Variants in ZNF385D observed in about 807,000 individuals in gnomAD.
The protein encoded by ZNF385D is zinc finger protein 385D, also known as zinc finger protein 659.
A neutral mutation model predicts 35.8 loss-of-function variants in ZNF385D; 15 were observed. The observed-to-expected ratio is 0.42, with a 90% CI of 0.28 to 0.64. ZNF385D has a LOEUF of 0.64. Among genes scored for constraint, ZNF385D ranks in the 30% least tolerant of loss-of-function variants. ZNF385D has a pLI of 0.23. For missense variants in ZNF385D, 474 were observed against 494.6 expected (o/e 0.96, Z 0.39); for synonymous variants, 212 against 186.8 (o/e 1.13, Z -1.10).
chr3:21,798,452 T>G (rs977433718), intron 3 of ZNF385D, among the ~76,000 whole-genome samples: 1 of 152,162 alleles, frequency 6.6e-6, no homozygotes, highest in Non-Finnish European at 1.5e-5. Context: ...CCTTGGGTCC[T>G]TACCATTGGT....
chr3:22,107,026 G>GTTTTTTTTTTTTTTTTTTTTTTTTT lies in ZNF385D; in HGVS notation c.325+61790_325+61791insAAAAAAAAAAAAAAAAAAAAAAAAA, dbSNP rs10676871. 1.9e-3 allele frequency among the ~76,000 whole-genome samples: 229 copies of GTTTTTTTTTTTTTTTTTTTTTTTTT among 118,782 alleles called. 36 individuals are homozygous for GTTTTTTTTTTTTTTTTTTTTTTTTT. In the Middle Eastern group the frequency reaches 0.024, roughly 12 times the overall value. 77.9% of individuals were successfully genotyped at this position (118,782 alleles called of 152,430 possible). A position where few individuals can be genotyped will look rare whatever the true frequency, so the allele number is the denominator to read the frequency against. On this transcript the variant is annotated intron_variant, in intron 3 of 5. Coordinates refer to the ZNF385D transcript ENST00000494108. ...TTTATGCAAAAACTTTGGAATGAGAGTTTTTTTTTTTTTTTTAGACAGAGT... is the reference window on the plus strand; with the variant it reads ...TTTATGCAAAAACTTTGGAATGAGAGTTTTTTTTTTTTTTTTTTTTTTTTTTTTTTTTTTTTTTTTTAGACAGAGT...
intron 5 of ZNF385D, among the ~76,000 whole-genome samples, chr3:21,426,576 T>G (rs1701037696): frequency 6.6e-6 from 1 of 152,162 alleles, no homozygotes; most frequent in African/African-American, 2.4e-5. Context: ...GGTCATGTGT[T>G]TTTTCTGTGA....
At position 21,651,433 on chromosome 3, in the gene ZNF385D, T is replaced by C. The variant is rs114559373; in HGVS notation, c.165+13453A>G. ...TGGAACATATTCATCAGATCTACCA[T>C]ATAGTATGTCTGTGATCACTAAATT... On this transcript the variant is annotated intron_variant, in intron 2 of 7. Transcript: ENST00000281523. Among the ~76,000 whole-genome samples the C allele has an allele frequency of 8.6e-3, 1,307 of 152,072 alleles. 19 individuals carry two copies. The highest frequency in any genetic ancestry group is 0.03 in the African/African-American group (1,230 of 41,502).
At chr3:21,477,843 A>G (rs960850336) in intron 4 of ZNF385D, among the ~76,000 whole-genome samples, 1 of 152,188 alleles carries the variant, frequency 6.6e-6, no homozygotes, top group African/African-American at 2.4e-5. Flanking sequence ...ACTAAAACCA[A>G]TAAACATATA....
chr3:21,872,983 A>C (rs539333781), intron 3 of ZNF385D, among the ~76,000 whole-genome samples: 27 of 152,284 alleles, frequency 1.8e-4, no homozygotes, highest in African/African-American at 6.3e-4. Flanking sequence ...ATTTCGTGCC[A>C]GTCGATTTAT....
intron 3 of ZNF385D, among the ~76,000 whole-genome samples, chr3:22,019,345 T>C (rs893537773): frequency 5.3e-5 from 8 of 151,916 alleles, no homozygotes; most frequent in African/African-American, 1.9e-4. Context: ...ATGTGGGAAA[T>C]TTCACTGTAA....
chr3:22,363,401 C>T (rs548695260), intron 2 of ZNF385D, among the ~76,000 whole-genome samples: 15 of 152,196 alleles, frequency 9.9e-5, no homozygotes, highest in African/African-American at 3.6e-4. Context: ...TATGTGGCCC[C>T]CTCATCATTC....
rs563270727 is a variant in ZNF385D, at chr3:22,317,957, G to A, written c.106+54493C>T. ...GCACCTGTAATCCAGTTACTGGGAG[G>A]CTGCACTGGGAGGATCACATGAGCT... On this transcript the variant is annotated intron_variant, in intron 2 of 5. Coordinates refer to the ZNF385D transcript ENST00000494108. Among the ~76,000 whole-genome samples the A allele has an allele frequency of 3.6e-3, 548 of 152,122 alleles. 3 individuals carry two copies. The highest frequency in any genetic ancestry group is 0.011 in the African/African-American group (464 of 41,500).
At chr3:21,532,898 C>T (rs1478672052) in intron 3 of ZNF385D, among the ~76,000 whole-genome samples, 1 of 152,136 alleles carries the variant, frequency 6.6e-6, no homozygotes, top group East Asian at 1.9e-4. Context: ...TTCTAAAACT[C>T]ATCATCTGGC....
intron 2 of ZNF385D, among the ~76,000 whole-genome samples, chr3:22,189,570 A>G (rs1171318310): frequency 6.6e-5 from 10 of 152,152 alleles, no homozygotes; most frequent in South Asian, 2.1e-4. Flanking sequence ...GGAAGGTTCA[A>G]TATTATTGAG....
At chr3:21,604,684 G>C (rs1381210801) in intron 2 of ZNF385D, among the ~76,000 whole-genome samples, 2 of 152,104 alleles carry the variant, frequency 1.3e-5, no homozygotes, top group Admixed American at 6.6e-5. Flanking sequence ...CTTAGAGAAG[G>C]TAATTAGTAG....
chr3:21,698,642 GAAAA>G (rs61178550), intron 1 of ZNF385D, among the ~76,000 whole-genome samples: 5 of 150,626 alleles, frequency 3.3e-5, no homozygotes, highest in Admixed American at 2.0e-4. Context: ...GAATTTCCAA[GAAAA>G]AAAACAAACA....
intron 1 of ZNF385D, among the ~76,000 whole-genome samples, chr3:21,701,723 AT>A (rs1318357149): frequency 6.6e-6 from 1 of 152,192 alleles, no homozygotes; most frequent in African/African-American, 2.4e-5. Context: ...GGGTACAGGT[AT>A]TAGATAAATA....
At chr3:21,829,403 G>A (rs1026734561) in intron 3 of ZNF385D, among the ~76,000 whole-genome samples, 2 of 152,072 alleles carry the variant, frequency 1.3e-5, no homozygotes, top group African/African-American at 2.4e-5. Context: ...AACAAGCTTG[G>A]CTATTTTAGG....
At position 22,035,395 on chromosome 3, in the gene ZNF385D, C is replaced by A. The variant is rs536266180; in HGVS notation, c.325+133422G>T. Reference sequence around the variant, plus strand: ...TGTTAAGCAAAATGTTGCACTAAATCCAAGTATAATTCCCTTTTCATTAAA... The same window carrying A: ...TGTTAAGCAAAATGTTGCACTAAATACAAGTATAATTCCCTTTTCATTAAA... On this transcript the variant is annotated intron_variant, in intron 3 of 5. Transcript: ENST00000494108. 4.6e-5 allele frequency among the ~76,000 whole-genome samples: 7 copies of A among 152,214 alleles called. No homozygotes were observed. In the East Asian group the frequency reaches 1.2e-3, roughly 25 times the overall value.
rs532536837 is a variant in ZNF385D, at chr3:22,042,468, A to G, written c.325+126349T>C. 3.5e-4 allele frequency among the ~76,000 whole-genome samples: 53 copies of G among 152,264 alleles called. 1 individual carries two copies. The highest frequency in any genetic ancestry group is 9.1e-4 in the African/African-American group (38 of 41,554). On this transcript the variant is annotated intron_variant, in intron 3 of 5. Transcript: ENST00000494108. ...GTTTTTCCTTTGTGTTACAAAACATATGGTAGGTTGAGCATCTTAAGGTAT... is the reference window on the plus strand; with the variant it reads ...GTTTTTCCTTTGTGTTACAAAACATGTGGTAGGTTGAGCATCTTAAGGTAT...
intron 3 of ZNF385D, among the ~76,000 whole-genome samples, chr3:21,781,869 C>G (rs2071501971): frequency 6.6e-6 from 1 of 151,924 alleles, no homozygotes; most frequent in Non-Finnish European, 1.5e-5. Flanking sequence ...GGCATTCAAC[C>G]CAAAAAGGAG....
At chr3:21,693,439 G>GT (rs2125352400) in intron 1 of ZNF385D, among the ~76,000 whole-genome samples, 1 of 152,244 alleles carries the variant, frequency 6.6e-6, no homozygotes, top group South Asian at 2.1e-4. Flanking sequence ...AACACTTACA[G>GT]TATAGACCCT....
intron 2 of ZNF385D, among the ~76,000 whole-genome samples, chr3:22,184,000 T>C (rs1345274455): frequency 2.0e-5 from 3 of 152,192 alleles, no homozygotes; most frequent in African/African-American, 7.2e-5. Flanking sequence ...ACTTTGTCAG[T>C]ATGTGAATTT....
Sources: gnomAD v4.1 joint callset for allele counts (sites outside exome capture counted in the v4.1 genomes callset) on GRCh38, gnomAD v4.1.1 for gene constraint, MANE v1.5 for transcripts, NCBI Gene and HGNC (gene_info 2026-07-23, HGNC 2026-07-21) for gene names.